Variants in HSF5 observed in about 807,000 individuals in gnomAD.
HSF5 encodes the protein heat shock transcription factor 5.
A neutral mutation model predicts 50.8 loss-of-function variants in HSF5; 5 were observed. The ratio of observed to expected loss-of-function variants is 0.10; its 90% CI spans 0.05 to 0.21. The LOEUF is 0.21. HSF5 is among the 10% of genes least tolerant of loss of function. The pLI is 1.00. For synonymous variants in HSF5, 307 were observed against 307.4 expected, an observed-to-expected ratio of 1.00 and a Z score of 0.02; for missense variants, 564 against 762.6, an observed-to-expected ratio of 0.74 and a Z score of 3.07.
chr17:58,443,679 G>C (rs1195562372), intron 5 of HSF5, among the ~76,000 whole-genome samples: 1 of 152,128 alleles, frequency 6.6e-6, no homozygotes, highest in Non-Finnish European at 1.5e-5. Flanking sequence ...TGTTATATTA[G>C]TTCAGTAGTC....
At chr17:58,485,582 A>C (rs1274679177) in intron 1 of HSF5, among the ~76,000 whole-genome samples, 1 of 151,592 alleles carries the variant, frequency 6.6e-6, no homozygotes, top group Non-Finnish European at 1.5e-5. Context: ...CCCTGTATCC[A>C]CCAAAAATAC....
At chr17:58,485,787 C>T (rs1451787919) in intron 1 of HSF5, among the ~76,000 whole-genome samples, 3 of 149,748 alleles carry the variant, frequency 2.0e-5, no homozygotes, top group African/African-American at 7.4e-5. Flanking sequence ...AATAATTTGG[C>T]CATGTGAAGT....
intron 5 of HSF5, among the ~76,000 whole-genome samples, chr17:58,433,910 G>GGTTTTTTTT (rs1974393419): frequency 1.8e-5 from 1 of 55,280 alleles, no homozygotes; most frequent in Non-Finnish European, 3.7e-5. Flanking sequence ...AGGTCAAAGG[G>GGTTTTTTTT]ATTTTTTTTT....
At chr17:58,458,507 A>C (rs1234012105) in intron 5 of HSF5, among the ~76,000 whole-genome samples, 5 of 152,178 alleles carry the variant, frequency 3.3e-5, no homozygotes, top group Non-Finnish European at 7.4e-5. Flanking sequence ...AATAATCTAA[A>C]TTCCTTTGCT....
At position 58,421,668 on chromosome 17, in the gene HSF5, T is replaced by A. The variant is rs997845698; in HGVS notation, c.*692A>T. ...TCTTTTTACCATTTATGATAATGTA[T>A]CATTAAAATTAAAGAAAGATATGAA... is the stretch of plus-strand genomic sequence containing the variant. On this transcript the variant is annotated 3_prime_UTR_variant, in exon 6 of 6. Transcript: ENST00000323777. The A allele has an allele frequency of 6.6e-6, 1 of 152,456 alleles. No homozygotes were observed. The highest frequency in any genetic ancestry group is 1.5e-5 in the Non-Finnish European group (1 of 68,046). 9.4% of individuals were successfully genotyped at this position (152,456 alleles called of 1,614,324 possible). A position where few individuals can be genotyped will look rare whatever the true frequency, so the allele number is the denominator to read the frequency against.
At chr17:58,456,915 G>A (rs571915460) in intron 5 of HSF5, among the ~76,000 whole-genome samples, 2 of 152,230 alleles carry the variant, frequency 1.3e-5, no homozygotes, top group African/African-American at 4.8e-5. Context: ...TTGAGCCTAG[G>A]AGTGCAAGAC....
chr17:58,454,001 G>A (rs957551125), intron 5 of HSF5, among the ~76,000 whole-genome samples: 6 of 152,146 alleles, frequency 3.9e-5, no homozygotes, highest in East Asian at 1.9e-4. Flanking sequence ...GGCTGAGGCA[G>A]GGGAATCACT....
At chr17:58,462,704 ACT>A in intron 4 of HSF5, 76 bp downstream of exon 4, 8 of 1,358,310 alleles carry the variant, frequency 5.9e-6, no homozygotes, top group Non-Finnish European at 8.1e-6. Flanking sequence ...ATCTGAACAA[ACT>A]CTCCACTAGA....
chr17:58,450,022 CAAAAAAAAAAAA>C (rs71143248), intron 5 of HSF5, among the ~76,000 whole-genome samples: 1 of 76,544 alleles, frequency 1.3e-5, no homozygotes, highest in Non-Finnish European at 2.5e-5. Flanking sequence ...GACTCCGTCT[CAAAAAAAAAAAA>C]AAAAAAAAAG....
intron 5 of HSF5, among the ~76,000 whole-genome samples, chr17:58,453,001 C>G (rs1367985323): frequency 1.3e-5 from 2 of 152,100 alleles, no homozygotes; most frequent in Non-Finnish European, 2.9e-5. Context: ...CACCACTGTA[C>G]TTCAGCCTGG....
intron 1 of HSF5, among the ~76,000 whole-genome samples, chr17:58,480,762 G>GCTATCTATCTATCTATCTATCTATCTAT (rs59278255): frequency 6.8e-6 from 1 of 146,374 alleles, no homozygotes; most frequent in Non-Finnish European, 1.5e-5. Context: ...AACGCTCTTT[G>GCTATCTATCTATCTATCTATCTATCTAT]CTATCTATCT....
chr17:58,432,898 T>C (rs766782010), intron 5 of HSF5, among the ~76,000 whole-genome samples: 1 of 152,162 alleles, frequency 6.6e-6, no homozygotes, highest in Non-Finnish European at 1.5e-5. Flanking sequence ...TGGATCTGCA[T>C]CTACAGTGAG....
chr17:58,469,077 G>A (rs1374282372), intron 2 of HSF5, among the ~76,000 whole-genome samples: 2 of 149,022 alleles, frequency 1.3e-5, no homozygotes, highest in African/African-American at 4.9e-5. Context: ...GATCTGCAGA[G>A]CTTGCCAAAA....
chr17:58,478,213 C>G (rs967052786), intron 2 of HSF5, among the ~76,000 whole-genome samples: 10 of 151,286 alleles, frequency 6.6e-5, no homozygotes, highest in Non-Finnish European at 1.2e-4. Flanking sequence ...GTGGGTGGAT[C>G]ACGAGGTCAG....
chr17:58,461,825 G>A (rs1035703288), intron 4 of HSF5, among the ~76,000 whole-genome samples: 2 of 152,020 alleles, frequency 1.3e-5, no homozygotes, highest in Non-Finnish European at 2.9e-5. Context: ...AGCTGAGATT[G>A]CACCACTGCA....
intron 5 of HSF5, among the ~76,000 whole-genome samples, chr17:58,448,133 CAAAAAAAAA>C (rs33943640): frequency 2.4e-5 from 2 of 82,040 alleles, no homozygotes; most frequent in Non-Finnish European, 4.6e-5. Flanking sequence ...GAACCTGTCT[CAAAAAAAAA>C]AAAAAAAAAA....
chr17:58,430,380 C>T (rs780650139), intron 5 of HSF5, among the ~76,000 whole-genome samples: 4 of 152,092 alleles, frequency 2.6e-5, no homozygotes, highest in Admixed American at 1.3e-4. Context: ...CCTGGTAAAG[C>T]ATTATCTTTG....
chr17:58,464,033 C>T (rs1190167678), intron 3 of HSF5, among the ~76,000 whole-genome samples: 1 of 152,126 alleles, frequency 6.6e-6, no homozygotes, highest in South Asian at 2.1e-4. Context: ...GAGCTTCGCA[C>T]AGAGTAGGCA....
At chr17:58,435,435 T>C (rs1429928358) in intron 5 of HSF5, among the ~76,000 whole-genome samples, 1 of 151,982 alleles carries the variant, frequency 6.6e-6, no homozygotes, top group African/African-American at 2.4e-5. Context: ...TAGTCTCAGC[T>C]ATTTGGGAGG....
Sources: allele counts gnomAD v4.1 joint callset (sites outside exome capture counted in the v4.1 genomes callset), GRCh38; gene constraint gnomAD v4.1.1; transcripts MANE v1.5; gene names NCBI Gene and HGNC (gene_info 2026-07-23, HGNC 2026-07-21).